Variants in CSMD1 observed in about 807,000 individuals in gnomAD.
CSMD1 encodes CUB and sushi domain-containing protein 1.
A neutral mutation model predicts 417.5 loss-of-function variants in CSMD1; 213 were observed. That is an observed-to-expected ratio of 0.51 (90% CI 0.46 to 0.57). The LOEUF (loss-of-function observed/expected upper bound fraction) is 0.57, where lower values mean the gene tolerates loss of function less well. Among genes scored for constraint, CSMD1 ranks in the 20% least tolerant of loss-of-function variants. The pLI, the probability that CSMD1 is intolerant of heterozygous loss-of-function variation, is 0.00. For missense variants in CSMD1, 6,923 were observed against 4,529.7 expected, an observed-to-expected ratio of 1.53 and a Z score of -15.17; for synonymous variants, 2,862 against 1,736.8, an observed-to-expected ratio of 1.65 and a Z score of -16.11.
At chr8:3,505,021 A>G (rs998960180) in intron 10 of CSMD1, among the ~76,000 whole-genome samples, 5 of 152,294 alleles carry the variant, frequency 3.3e-5, no homozygotes, top group African/African-American at 1.2e-4. Context: ...CAGTTAAAAA[A>G]AAAAAAAGTT....
At chr8:3,410,801 T>C (rs1394311633) in intron 12 of CSMD1, among the ~76,000 whole-genome samples, 4 of 152,156 alleles carry the variant, frequency 2.6e-5, no homozygotes, top group Admixed American at 2.0e-4. Context: ...TGCAGTGATG[T>C]GATCATAGCT....
chr8:3,486,070 A>C (rs1349604127), intron 11 of CSMD1, among the ~76,000 whole-genome samples: 1 of 152,102 alleles, frequency 6.6e-6, no homozygotes, highest in Non-Finnish European at 1.5e-5. Context: ...TCTTTGTCAC[A>C]ATTTTGTCAA....
At chr8:3,593,807 A>T (rs919649793) in intron 8 of CSMD1, among the ~76,000 whole-genome samples, 1 of 152,096 alleles carries the variant, frequency 6.6e-6, no homozygotes, top group Non-Finnish European at 1.5e-5. Flanking sequence ...TCATTCTCCC[A>T]TCTTTGCCAT....
chr8:3,529,040 A>G (rs1797870770), intron 10 of CSMD1, among the ~76,000 whole-genome samples: 1 of 152,222 alleles, frequency 6.6e-6, no homozygotes, highest in South Asian at 2.1e-4. Flanking sequence ...GCTTTCGAAC[A>G]AGGCTCACTT....
At chr8:3,877,435 G>C (rs1046836441) in intron 5 of CSMD1, among the ~76,000 whole-genome samples, 4 of 152,154 alleles carry the variant, frequency 2.6e-5, no homozygotes, top group Non-Finnish European at 2.9e-5. Context: ...TAGCGTTCCA[G>C]ATGAATTCTC....
At chr8:3,760,031 G>T (rs544076835) in intron 5 of CSMD1, among the ~76,000 whole-genome samples, 1 of 151,938 alleles carries the variant, frequency 6.6e-6, no homozygotes, top group Non-Finnish European at 1.5e-5. Context: ...CAGGACACAC[G>T]CCTGGTGAAA....
intron 8 of CSMD1, among the ~76,000 whole-genome samples, chr8:3,599,133 G>GTGTC (rs1459279340): frequency 7.4e-6 from 1 of 134,476 alleles, no homozygotes; most frequent in East Asian, 2.3e-4. Context: ...TGCTGTGTGT[G>GTGTC]TGTGTGTGTG....
chr8:4,078,103 A>G (rs1799928916), intron 3 of CSMD1, among the ~76,000 whole-genome samples: 1 of 152,198 alleles, frequency 6.6e-6, no homozygotes, highest in Non-Finnish European at 1.5e-5. Flanking sequence ...AGAAATCTTC[A>G]AATAATTTAC....
intron 26 of CSMD1, among the ~76,000 whole-genome samples, chr8:3,260,963 A>G (rs1470815438): frequency 2.0e-5 from 3 of 152,208 alleles, no homozygotes; most frequent in African/African-American, 4.8e-5. Flanking sequence ...AAGAAAAATA[A>G]AATCCCATTA....
intron 12 of CSMD1, among the ~76,000 whole-genome samples, chr8:3,428,294 G>T (rs1039087630): frequency 3.3e-5 from 5 of 152,202 alleles, no homozygotes; most frequent in African/African-American, 1.2e-4. Context: ...TCTGCAGCCA[G>T]AACTGCTTCC....
At chr8:3,078,174 T>C (rs1313509657) in intron 49 of CSMD1, among the ~76,000 whole-genome samples, 1 of 152,224 alleles carries the variant, frequency 6.6e-6, no homozygotes, top group African/African-American at 2.4e-5. Context: ...AAAATATTAT[T>C]ACTTTGCATA....
intron 25 of CSMD1, among the ~76,000 whole-genome samples, chr8:3,305,517 C>T (rs1360435658): frequency 1.3e-5 from 2 of 151,930 alleles, no homozygotes; most frequent in African/African-American, 4.8e-5. Context: ...GGGAGGGAGC[C>T]CCTGATAAAA....
intron 2 of CSMD1, among the ~76,000 whole-genome samples, chr8:4,512,912 C>G (rs772386016): frequency 4.9e-4 from 74 of 151,420 alleles, no homozygotes; most frequent in Non-Finnish European, 1.0e-4. Flanking sequence ...GAAAAAGCTA[C>G]AGAGTATATG....
chr8:3,721,910 G>T (rs1802198323), intron 6 of CSMD1, among the ~76,000 whole-genome samples: 1 of 152,128 alleles, frequency 6.6e-6, no homozygotes, highest in African/African-American at 2.4e-5. Context: ...TCCACAATGG[G>T]AAGTACTGAT....
At chr8:4,874,973 T>C (rs1802958819) in intron 1 of CSMD1, among the ~76,000 whole-genome samples, 1 of 151,736 alleles carries the variant, frequency 6.6e-6, no homozygotes, top group Non-Finnish European at 1.5e-5. Flanking sequence ...TTTTCTCCTT[T>C]ATTTCCTTCT....
At chr8:3,488,523 G>C (rs912458956) in intron 11 of CSMD1, among the ~76,000 whole-genome samples, 1 of 152,228 alleles carries the variant, frequency 6.6e-6, no homozygotes. Context: ...AGCAGTATTA[G>C]CACTCTTACT....
At chr8:3,163,486 G>C (rs76010990) in intron 37 of CSMD1, among the ~76,000 whole-genome samples, 15,212 of 151,866 alleles carry the variant, frequency 0.1, 800 homozygotes, top group East Asian at 0.13. Flanking sequence ...CAGGCACAGA[G>C]AGGACGCAGC....
At chr8:3,242,593 C>T (rs572683424) in intron 26 of CSMD1, among the ~76,000 whole-genome samples, 1 of 152,090 alleles carries the variant, frequency 6.6e-6, no homozygotes, top group East Asian at 1.9e-4. Context: ...AGCGGCATTG[C>T]AGAGGAATAT....
At chr8:4,671,882 G>T (rs1221371604) in intron 1 of CSMD1, among the ~76,000 whole-genome samples, 3 of 152,124 alleles carry the variant, frequency 2.0e-5, no homozygotes, top group African/African-American at 4.8e-5. Flanking sequence ...AAAACGAGAA[G>T]ATAGAAACCC....
Sources: allele counts gnomAD v4.1 joint callset (sites outside exome capture counted in the v4.1 genomes callset), GRCh38; gene constraint gnomAD v4.1.1; transcripts MANE v1.5; gene names NCBI Gene and HGNC (gene_info 2026-07-23, HGNC 2026-07-21).